Variants in AHRR observed in about 807,000 individuals in gnomAD.
AHRR encodes aryl hydrocarbon receptor repressor.
AHRR carries 28 observed loss-of-function variants against 44.0 expected under a neutral mutation model. The ratio of observed to expected loss-of-function variants is 0.64; its 90% CI spans 0.47 to 0.87. The LOEUF is 0.87. AHRR is among the 40% of genes least tolerant of loss of function. The pLI is 0.00. For synonymous variants in AHRR, 434 were observed against 407.0 expected (o/e 1.07, Z -0.80); for missense variants, 990 against 953.9 (o/e 1.04, Z -0.50).
chr5:427,640 C>T lies in AHRR; in HGVS notation c.709-167C>T, dbSNP rs544849752. On this transcript the variant is annotated intron_variant, in intron 7 of 10. Coordinates refer to ENST00000684583, the MANE Select transcript of AHRR (RefSeq NM_001377236.1). ...AGCACATCGAATCACTCTGCAGGCC[C>T]GGGGGTCACAGGCTTGGCAGCTGCG... The T allele has an allele frequency of 1.4e-5, 23 of 1,613,390 alleles. No individual in the cohort carries two copies. In the Admixed American group the frequency reaches 2.0e-4, roughly 14 times the overall value.
At chr5:376,561 G>GGGTGA in intron 3 of AHRR, 49 bp from the exon 4 acceptor site, 4 of 1,479,898 alleles carry the variant, frequency 2.7e-6, no homozygotes, top group East Asian at 2.3e-5. Flanking sequence ...AAGAAGAGTG[G>GGGTGA]CCAGGCCAAG....
rs746626724 is a variant in AHRR, at chr5:434,128, G to A, written c.1388G>A (p.Arg463Gln). The A allele has an allele frequency of 6.2e-6, 10 of 1,612,298 alleles. No homozygotes were observed. Among genetic ancestry groups the A allele is most frequent in the South Asian group, 2.2e-5 (2 of 90,898 alleles). Residue 463 changes from arginine (R) to glutamine (Q), a missense_variant, in exon 11 of 11, where the codon CGG becomes CAG. Physicochemically the swap from Arg to Gln is conservative, Grantham distance 43 (BLOSUM62 1). Coordinates refer to ENST00000684583, the MANE Select transcript of AHRR (RefSeq NM_001377236.1). ...PSPSPSAYSSRTSRPMRDVGE... is the reference protein window; with the variant it reads ...PSPSPSAYSSQTSRPMRDVGE... ...CCGTCCCCCAGTGCCTACTCCAGCC[G>A]GACCAGCAGACCCATGCGGGATGTC...
At chr5:376,557 A>AACCGAGGG in intron 3 of AHRR, 53 bp from the exon 4 acceptor site, 1 of 1,423,180 alleles carries the variant, frequency 7.0e-7, no homozygotes, top group Non-Finnish European at 9.5e-7. Context: ...AATGAAGAAG[A>AACCGAGGG]GTGGCCAGGC....
chr5:422,016 G>A (rs1445997391), intron 5 of AHRR, among the ~76,000 whole-genome samples: 1 of 152,106 alleles, frequency 6.6e-6, no homozygotes, highest in Non-Finnish European at 1.5e-5. Context: ...GGCGGGTGGC[G>A]GGCCAGGCTC....
At chr5:412,140 T>C (rs1166889143) in intron 4 of AHRR, among the ~76,000 whole-genome samples, 1 of 152,234 alleles carries the variant, frequency 6.6e-6, no homozygotes, top group East Asian at 1.9e-4. Context: ...AATCCCACGA[T>C]GATTACGGCT....
chr5:378,019 C>T (rs1210665468), intron 4 of AHRR, among the ~76,000 whole-genome samples: 1 of 152,232 alleles, frequency 6.6e-6, no homozygotes, highest in Non-Finnish European at 1.5e-5. Context: ...AAGTCTCAGT[C>T]CACTGCATCT....
rs1178191371 is a variant in AHRR at position 404,464 on chromosome 5, G to T, written c.352-8880G>T. On this transcript the variant is annotated intron_variant, in intron 4 of 10. Coordinates refer to ENST00000684583, the MANE Select transcript of AHRR (RefSeq NM_001377236.1). The surrounding 1 kb of genome is among the most constrained non-coding windows in gnomAD (Gnocchi z 4.1). ...CACTGTGCTGGTGCTGTCGTGCACGGTGTGTTCACCAAAACATCTAACGCA... is the reference window on the plus strand; with the variant it reads ...CACTGTGCTGGTGCTGTCGTGCACGTTGTGTTCACCAAAACATCTAACGCA... The T allele has an allele frequency of 8.0e-6, 4 of 502,660 alleles. No homozygotes were observed. The highest frequency in any genetic ancestry group is 1.6e-5 in the Non-Finnish European group (4 of 249,844). 31.1% of individuals were successfully genotyped at this position (502,660 alleles called of 1,614,324 possible). A position where few individuals can be genotyped will look rare whatever the true frequency, so the allele number is the denominator to read the frequency against.
At chr5:352,528 G>T (rs1171212033) in intron 2 of AHRR, among the ~76,000 whole-genome samples, 1 of 135,440 alleles carries the variant, frequency 7.4e-6, no homozygotes, top group Admixed American at 7.3e-5. Flanking sequence ...GGTTAAATGG[G>T]TCAGCTGTAG....
At chr5:397,942 A>G (rs1414279429) in intron 4 of AHRR, among the ~76,000 whole-genome samples, 4 of 111,194 alleles carry the variant, frequency 3.6e-5, no homozygotes, top group Admixed American at 3.0e-4. Context: ...GCCCCTGACC[A>G]TCCACGTAGC....
chr5:364,072 A>G (rs1272510638), intron 3 of AHRR, among the ~76,000 whole-genome samples: 1 of 152,220 alleles, frequency 6.6e-6, no homozygotes, highest in Non-Finnish European at 1.5e-5. Flanking sequence ...TCCATTTTCA[A>G]TATGTAACTG....
chr5:374,163 C>G (rs1743694198), intron 3 of AHRR, among the ~76,000 whole-genome samples: 1 of 152,120 alleles, frequency 6.6e-6, no homozygotes, highest in South Asian at 2.1e-4. Flanking sequence ...GTGCCCCCAC[C>G]CGCGCTGCCC....
chr5:429,917 C>T (rs557360119), intron 8 of AHRR, among the ~76,000 whole-genome samples: 77 of 152,314 alleles, frequency 5.1e-4, no homozygotes, highest in Non-Finnish European at 1.3e-4. Flanking sequence ...GTTGGCTGAG[C>T]GCTCTCTGCT....
In AHRR at chr5:435,831, C is replaced by T. The variant is rs1737004322; in HGVS notation, c.*997C>T. 6.5e-6 allele frequency: 1 copy of T among 152,754 alleles called. No individual in the cohort carries two copies. Among genetic ancestry groups the T allele is most frequent in the South Asian group, 2.1e-4 (1 of 4,822 alleles). 9.5% of individuals were successfully genotyped at this position (152,754 alleles called of 1,614,324 possible). On this transcript the variant is annotated 3_prime_UTR_variant, in exon 11 of 11. Transcript: ENST00000684583. ...GGACAAGACAGACAAGTATTAATAG[C>T]ATTAAAACAGTTGTAAAGGCGATAT... is the stretch of plus-strand genomic sequence containing the variant.
chr5:340,680 A>ATTT (rs1742303476), intron 1 of AHRR, among the ~76,000 whole-genome samples: 4 of 24,586 alleles, frequency 1.6e-4, no homozygotes, highest in Non-Finnish European at 2.9e-4. Flanking sequence ...ATATATATAT[A>ATTT]TATATATATT....
At chr5:428,406 C>T (rs764755367) in intron 8 of AHRR, among the ~76,000 whole-genome samples, 9 of 152,320 alleles carry the variant, frequency 5.9e-5, no homozygotes, top group East Asian at 1.9e-4. Flanking sequence ...CAGGACATGC[C>T]GGAGAGATGC....
At chr5:348,075 G>GTT (rs1742739309) in intron 2 of AHRR, among the ~76,000 whole-genome samples, 1 of 152,258 alleles carries the variant, frequency 6.6e-6, no homozygotes, top group Non-Finnish European at 1.5e-5. Context: ...TGAGTGCAGG[G>GTT]GGCAGCTGAT....
chr5:343,856 GCGCGTTCCGGTGACCGGGTGC>G lies in AHRR; in HGVS notation c.-10-35_-10-15del. ...TCGCGGCGGGAACAGGGCGCACGTG[GCGCGTTCCGGTGACCGGGTGC>G]CCCCTTGTCTTCCAGGCCGAGGACG... is the stretch of plus-strand genomic sequence containing the variant. On this transcript the variant is annotated splice_polypyrimidine_tract_variant and intron_variant, in intron 1 of 10. Coordinates refer to ENST00000684583, the MANE Select transcript of AHRR (RefSeq NM_001377236.1). 6.4e-7 allele frequency: 1 copy of G among 1,572,730 alleles called. No individual in the cohort carries two copies. Among genetic ancestry groups the G allele is most frequent in the South Asian group, 1.1e-5 (1 of 87,678 alleles).
intron 3 of AHRR, among the ~76,000 whole-genome samples, chr5:372,667 C>T (rs1743619705): frequency 1.3e-5 from 2 of 152,160 alleles, no homozygotes; most frequent in Non-Finnish European, 2.9e-5. Flanking sequence ...GACCTCCCAC[C>T]CTCCGTCTGC....
At chr5:403,200 G>A (rs918938899) in intron 4 of AHRR, among the ~76,000 whole-genome samples, 34 of 152,174 alleles carry the variant, frequency 2.2e-4, no homozygotes, top group Non-Finnish European at 4.3e-4. Flanking sequence ...GACGTACCGG[G>A]CTGAGGAGGG....
Sources: gnomAD v4.1 joint callset for allele counts (sites outside exome capture counted in the v4.1 genomes callset) on GRCh38, gnomAD v4.1.1 for gene constraint, Gnocchi (gnomAD v3.1) non-coding constraint, MANE v1.5 for transcripts, NCBI Gene and HGNC (gene_info 2026-07-23, HGNC 2026-07-21) for gene names.